The following KIAA1217 variants were observed in gnomAD, a reference collection of about 807,000 sequenced individuals.
KIAA1217 encodes the protein KIAA1217.
Under a neutral mutation model 163.9 loss-of-function variants are expected in KIAA1217, and 88 were observed. That is an observed-to-expected ratio of 0.54 (90% CI 0.45 to 0.64). The LOEUF (loss-of-function observed/expected upper bound fraction) is 0.64, where lower values mean the gene tolerates loss of function less well. Ranked by LOEUF, KIAA1217 falls within the 30% of genes least tolerant of loss-of-function variation. The probability of loss-of-function intolerance (pLI) is 0.00; values close to 1 mark genes in which losing one functional copy is unlikely to be tolerated. For missense variants in KIAA1217, 2,372 were observed against 2,475.0 expected (o/e 0.96, Z 0.88); for synonymous variants, 903 against 923.1 (o/e 0.98, Z 0.39).
At chr10:24,051,525 G>T (rs1464772374) in intron 2 of KIAA1217, among the ~76,000 whole-genome samples, 1 of 152,004 alleles carries the variant, frequency 6.6e-6, no homozygotes, top group Non-Finnish European at 1.5e-5. Context: ...CCTTATTTAA[G>T]GAATCTCTAT....
chr10:24,089,924 CAG>C (rs758740990), intron 2 of KIAA1217, among the ~76,000 whole-genome samples: 5 of 151,758 alleles, frequency 3.3e-5, no homozygotes, highest in Non-Finnish European at 7.4e-5. Context: ...ACTTTCTTCA[CAG>C]AGTTAGAAAA....
At position 23,811,621 on chromosome 10, in the gene KIAA1217, G is replaced by A. The variant is rs555190673; in HGVS notation, c.-321+116387G>A. On this transcript the variant is annotated intron_variant, in intron 1 of 18. Transcript: ENST00000376462. ...GATGAGAAAGGGGAAGGGGAAGCTG[G>A]AATTAGATGTACAACTTGGGAAATG... 4.6e-5 allele frequency among the ~76,000 whole-genome samples: 7 copies of A among 152,054 alleles called. No homozygotes were observed. In the South Asian group the frequency reaches 1.5e-3, roughly 32 times the overall value.
At chr10:23,964,038 C>T (rs752087380) in intron 1 of KIAA1217, among the ~76,000 whole-genome samples, 18 of 151,810 alleles carry the variant, frequency 1.2e-4, no homozygotes, top group Non-Finnish European at 1.9e-4. Context: ...GGACTGCAGG[C>T]GTGCACCACC....
intron 2 of KIAA1217, among the ~76,000 whole-genome samples, chr10:24,121,924 G>A (rs1038661714): frequency 3.9e-5 from 6 of 152,058 alleles, no homozygotes; most frequent in African/African-American, 1.4e-4. Context: ...ATGGGGGTGG[G>A]TGTGTTAGAT....
intron 5 of KIAA1217, among the ~76,000 whole-genome samples, chr10:24,457,861 A>G (rs372313307): frequency 6.6e-6 from 1 of 152,372 alleles, no homozygotes; most frequent in South Asian, 2.1e-4. Flanking sequence ...GCATTTCGTC[A>G]TATGGAGCAT....
intron 3 of KIAA1217, among the ~76,000 whole-genome samples, chr10:24,403,390 C>T (rs2056810502): frequency 6.6e-6 from 1 of 152,150 alleles, no homozygotes; most frequent in Non-Finnish European, 1.5e-5. Flanking sequence ...AGACATGTGC[C>T]ACCACACCTT....
At chr10:24,301,643 T>C (rs939942211) in intron 2 of KIAA1217, among the ~76,000 whole-genome samples, 1 of 152,236 alleles carries the variant, frequency 6.6e-6, no homozygotes, top group Non-Finnish European at 1.5e-5. Flanking sequence ...TTCCTTTTTC[T>C]GGATTCCAAG....
At chr10:24,121,836 T>G (rs1195078880) in intron 2 of KIAA1217, among the ~76,000 whole-genome samples, 2 of 152,108 alleles carry the variant, frequency 1.3e-5, no homozygotes, top group East Asian at 3.9e-4. Flanking sequence ...TATGGGGGCA[T>G]TTTTAGGTTA....
At chr10:24,413,185 C>T (rs1591724930) in intron 3 of KIAA1217, among the ~76,000 whole-genome samples, 2 of 152,224 alleles carry the variant, frequency 1.3e-5, no homozygotes, top group South Asian at 4.1e-4. Context: ...GTCCTTGTCC[C>T]TTGTAGTTAA....
At position 24,282,268 on chromosome 10, in the gene KIAA1217, C is replaced by G. The variant is rs377607755; in HGVS notation, c.354+62359C>G. Among the ~76,000 whole-genome samples the G allele has an allele frequency of 1.3e-3, 203 of 151,996 alleles. 2 individuals are homozygous for G. The highest frequency in any genetic ancestry group is 4.4e-3 in the African/African-American group (182 of 41,440). On this transcript the variant is annotated intron_variant, in intron 2 of 20. Coordinates refer to ENST00000376454, the MANE Select transcript of KIAA1217 (RefSeq NM_019590.5). ...ATTTATTGCTATAAATATTAGCTTT[C>G]ATCACGAGGCTGAGGAGTCTTTTTC...
In KIAA1217 at chr10:24,380,873, G is replaced by A; in HGVS notation, c.359G>A (p.Arg120Lys). Residue 120 changes from arginine to lysine, a missense_variant, in exon 3 of 21, where the codon AGG becomes AAG. Arg to Lys is a conservative substitution (Grantham distance 26). This residue lies in a region of KIAA1217 where 1,431 missense variants were observed against 1,470.3 expected (regional missense o/e 0.97). Transcript: ENST00000376454. ...GHQERLRDQT[R>K]SPKLSHSPQP... ...TCTTTAAAATGCCTTTTGCAGACAA[G>A]GAGCCCCAAACTGTCTCACAGTCCT... 6.6e-7 allele frequency: 1 copy of A among 1,507,334 alleles called. No homozygotes were observed. The highest frequency in any genetic ancestry group is 8.9e-7 in the Non-Finnish European group (1 of 1,125,256). 93.4% of individuals were successfully genotyped at this position (1,507,334 alleles called of 1,614,324 possible). A position where few individuals can be genotyped will look rare whatever the true frequency, so the allele number is the denominator to read the frequency against.
intron 2 of KIAA1217, among the ~76,000 whole-genome samples, chr10:24,078,668 G>A (rs76225932): frequency 0.026 from 3,931 of 152,210 alleles, 156 homozygotes; most frequent in African/African-American, 0.09. Context: ...CAGCATTCTT[G>A]TTCCATGAGA....
intron 2 of KIAA1217, among the ~76,000 whole-genome samples, chr10:24,119,887 C>CTACACATCCCAGGT (rs2063212115): frequency 6.6e-6 from 1 of 152,128 alleles, no homozygotes; most frequent in Non-Finnish European, 1.5e-5. Flanking sequence ...ATCCCAGGTC[C>CTACACATCCCAGGT]CCTAAGTCAC....
chr10:24,316,577 C>T (rs771894068), intron 2 of KIAA1217, among the ~76,000 whole-genome samples: 1 of 152,184 alleles, frequency 6.6e-6, no homozygotes, highest in Non-Finnish European at 1.5e-5. Flanking sequence ...TGACACACCC[C>T]TACTAGGAAC....
At chr10:24,129,614 A>T (rs2063582297) in intron 2 of KIAA1217, among the ~76,000 whole-genome samples, 1 of 152,118 alleles carries the variant, frequency 6.6e-6, no homozygotes, top group Non-Finnish European at 1.5e-5. Context: ...AGCCTACCAT[A>T]TGACTCTGCT....
chr10:23,803,338 A>G (rs537459955), intron 1 of KIAA1217, among the ~76,000 whole-genome samples: 164 of 152,306 alleles, frequency 1.1e-3, no homozygotes, highest in Non-Finnish European at 2.2e-3. Context: ...GACTGAGTCC[A>G]TCCCTGAGCA....
chr10:24,538,594 AAGGAAGGAAGGAAAAAGAG>A (rs1261491448), intron 17 of KIAA1217, among the ~76,000 whole-genome samples: 139 of 72,762 alleles, frequency 1.9e-3, no homozygotes, highest in African/African-American at 4.5e-3. Context: ...GGAAGGAAGG[AAGGAAGGAAGGAAAAAGAG>A]AGGAAGGAAA....
At chr10:23,786,316 A>G (rs1464051838) in intron 1 of KIAA1217, among the ~76,000 whole-genome samples, 2 of 151,970 alleles carry the variant, frequency 1.3e-5, no homozygotes, top group African/African-American at 4.8e-5. Flanking sequence ...GGGGAGGAGA[A>G]CATTCCAGGC....
chr10:24,536,161 C>T (rs1000641539), intron 16 of KIAA1217, among the ~76,000 whole-genome samples: 3 of 152,160 alleles, frequency 2.0e-5, no homozygotes, highest in Non-Finnish European at 4.4e-5. Context: ...ACAGTTGGCT[C>T]TTATAGTTTT....
Sources: allele counts gnomAD v4.1 joint callset (sites outside exome capture counted in the v4.1 genomes callset), GRCh38; gene constraint gnomAD v4.1.1; regional missense constraint gnomAD v4.1.1; transcripts MANE v1.5; gene names NCBI Gene and HGNC (gene_info 2026-07-23, HGNC 2026-07-21).